The following POLD1 variants were observed in gnomAD, a reference collection of about 807,000 sequenced individuals.
POLD1 encodes the protein DNA polymerase delta 1, catalytic subunit.
POLD1 carries 79 observed loss-of-function variants against 129.7 expected under a neutral mutation model. That is an observed-to-expected ratio of 0.61 (90% confidence interval 0.51 to 0.73). The LOEUF is 0.73. Among genes scored for constraint, POLD1 ranks in the 30% least tolerant of loss-of-function variants. The probability of loss-of-function intolerance (pLI) is 0.00; values close to 1 mark genes in which losing one functional copy is unlikely to be tolerated. For missense variants in POLD1, 1,338 were observed against 1,595.8 expected (o/e 0.84, Z 2.75); for synonymous variants, 714 against 683.3 (o/e 1.04, Z -0.70).
At position 50,406,465 on chromosome 19, in the gene POLD1, TC is replaced by T. The variant is rs2038887562; in HGVS notation, c.1444del (p.Leu482TrpfsTer32). ...SYTLNAVSFHFLGEQKEDVQH... is the reference protein window; with the variant it reads ...SYTLNAVSFHXLGEQKEDVQH... Reference sequence around the variant, plus strand: ...ACGCTCAATGCCGTGAGCTTCCACTTCCTGGGCGAGCAGAAGGAGGACGTGC... The same window carrying T: ...ACGCTCAATGCCGTGAGCTTCCACTTCTGGGCGAGCAGAAGGAGGACGTGC... On this transcript the variant is annotated frameshift_variant, in exon 12 of 27. Coordinates refer to ENST00000440232, the MANE Select transcript of POLD1 (RefSeq NM_002691.4). LOFTEE classifies it high-confidence loss of function. This position sits in a 1 kb window ranked among gnomAD's most constrained non-coding sequence, Gnocchi z 5.5. The T allele has an allele frequency of 6.3e-7, 1 of 1,599,094 alleles. No individual in the cohort carries two copies. Among genetic ancestry groups the T allele is most frequent in the Non-Finnish European group, 8.5e-7 (1 of 1,172,480 alleles).
At chr19:50,401,389 ATATTTTTTTTTTT>A in intron 3 of POLD1, among the ~76,000 whole-genome samples, 2 of 60,292 alleles carry the variant, frequency 3.3e-5, no homozygotes, top group South Asian at 9.8e-4. Context: ...ATATATATAT[ATATTTTTTTTTTT>A]TTTTTTTTTT....
At position 50,406,396 on chromosome 19, in the gene POLD1, C is replaced by T; in HGVS notation, c.1384-11C>T. 6.2e-7 allele frequency: 1 copy of T among 1,606,712 alleles called. No homozygotes were observed. The highest frequency in any genetic ancestry group is 8.5e-7 in the Non-Finnish European group (1 of 1,176,324). ...CAGGCCCGCAGCCCACCAGCCCACC[C>T]ACCCACCTAGGTGCTGCTGCGGGAG... On this transcript the variant is annotated splice_polypyrimidine_tract_variant and intron_variant, in intron 11 of 26. Coordinates refer to ENST00000440232, the MANE Select transcript of POLD1 (RefSeq NM_002691.4). The surrounding 1 kb of genome is among the most constrained non-coding windows in gnomAD (Gnocchi z 5.5).
chr19:50,392,321 C>T (rs996872046), intron 1 of POLD1, among the ~76,000 whole-genome samples: 3 of 152,202 alleles, frequency 2.0e-5, no homozygotes, highest in African/African-American at 7.2e-5. Context: ...TAGTTTCTAA[C>T]TCCTGGCCTC....
Position 50,415,885 on chromosome 19 carries a change from C to T in POLD1, c.2820+59C>T, listed in dbSNP as rs545336888. 1.4e-3 allele frequency: 1,695 copies of T among 1,252,710 alleles called. 4 individuals are homozygous for T. Among genetic ancestry groups the T allele is most frequent in the Non-Finnish European group, 1.6e-3 (1,496 of 925,316 alleles). 77.6% of individuals were successfully genotyped at this position (1,252,710 alleles called of 1,614,324 possible). On this transcript the variant is annotated intron_variant, in intron 22 of 26. Transcript: ENST00000440232. ...CCCCCTCGCTCTCACTTCTGCTTTC[C>T]GAGATGGGCGGGCCTGCGGGAAGGG...
chr19:50,399,544 C>A, intron 3 of POLD1, 60 bp downstream of exon 3: 7 of 1,280,800 alleles, frequency 5.5e-6, no homozygotes, highest in Non-Finnish European at 7.9e-6. Context: ...AGAGGCCGGG[C>A]CAGGTCAGCC....
intron 19 of POLD1, among the ~76,000 whole-genome samples, 189 bp from the exon 20 acceptor site, chr19:50,414,626 A>G (rs962349333): frequency 6.6e-6 from 1 of 152,068 alleles, no homozygotes; most frequent in Non-Finnish European, 1.5e-5. Context: ...GGGCTCTGGC[A>G]TTGCCGAGGG....
At chr19:50,384,411 G>A (rs2037895872) in intron 1 of POLD1, 21 bp downstream of exon 1, 1 of 152,608 alleles carries the variant, frequency 6.6e-6, no homozygotes, top group Non-Finnish European at 1.5e-5. Context: ...GGGAAAAAGG[G>A]AGTTCGGGGC....
intron 1 of POLD1, among the ~76,000 whole-genome samples, chr19:50,393,053 G>A (rs922735683): frequency 1.3e-5 from 2 of 152,170 alleles, no homozygotes; most frequent in African/African-American, 2.4e-5. Context: ...CGATGCTTCC[G>A]GAAATAACCT....
rs1477558523 is a variant in POLD1, at chr19:50,405,636, A to G, written c.1243-546A>G. Among the ~76,000 whole-genome samples the G allele has an allele frequency of 2.0e-5, 3 of 152,258 alleles. No individual in the cohort carries two copies. In the East Asian group the frequency reaches 5.8e-4, roughly 29 times the overall value. On this transcript the variant is annotated intron_variant, in intron 10 of 26. Coordinates refer to ENST00000440232, the MANE Select transcript of POLD1 (RefSeq NM_002691.4). ...TCTTAGGACCCCCAGTGTATATTCC[A>G]CAGCGTGGCGCTGATGCCCGGGCCA...
intron 1 of POLD1, among the ~76,000 whole-genome samples, chr19:50,396,518 C>A (rs3219357): frequency 0.13 from 20,309 of 151,582 alleles, 1,717 homozygotes; most frequent in African/African-American, 0.24. Context: ...CGCTCTGTTG[C>A]CCAGGCTGGA....
chr19:50,398,913 G>A lies in POLD1; in HGVS notation c.62G>A (p.Gly21Asp), dbSNP rs771371900. The A allele has an allele frequency of 2.5e-6, 4 of 1,598,846 alleles. No homozygotes were observed. The South Asian group carries it at 3.4e-5, about 14-fold the overall frequency. ...PGVPPKRARGGLWDDDDAPRP... is the reference protein window; with the variant it reads ...PGVPPKRARGDLWDDDDAPRP... ...GTGCCCCCAAAGCGGGCCCGTGGGG[G>A]CCTCTGGGATGATGATGATGCACCT... The change falls in exon 2 of 27, where the codon GGC (glycine) becomes GAC (aspartate). Residue 21 changes from glycine to aspartate, a missense_variant. Physicochemically the swap from Gly to Asp is moderately conservative, Grantham distance 94 (BLOSUM62 -1). Transcript: ENST00000440232.
intron 13 of POLD1, 36 bp downstream of exon 13, chr19:50,407,210 C>G: frequency 6.3e-7 from 1 of 1,575,690 alleles, no homozygotes; most frequent in Non-Finnish European, 8.7e-7. Flanking sequence ...CACCCCCCAC[C>G]AGGCACGTCT....
rs1249717167 is a variant in POLD1, at chr19:50,399,073, G to T, written c.202+20G>T. Reference sequence around the variant, plus strand: ...CAGACGGTAAGGCTTGGAGTTGGAGGTTCCTGCTGCCCAACCCATTGCCCC... The same window carrying T: ...CAGACGGTAAGGCTTGGAGTTGGAGTTTCCTGCTGCCCAACCCATTGCCCC... On this transcript the variant is annotated intron_variant, in intron 2 of 26. Transcript: ENST00000440232. 15 of 1,550,670 alleles carry T rather than the reference G, an allele frequency of 9.7e-6. No homozygotes were observed. The highest frequency in any genetic ancestry group is 1.3e-5 in the Non-Finnish European group (15 of 1,147,122).
At position 50,417,219 on chromosome 19, in the gene POLD1, G is replaced by T. The variant is rs780592984; in HGVS notation, c.3168G>T (p.Thr1056=). 1 of 1,605,990 alleles carries T rather than the reference G, an allele frequency of 6.2e-7. No homozygotes were observed. The highest frequency in any genetic ancestry group is 8.5e-7 in the Non-Finnish European group (1 of 1,178,166). Residue 1056 remains threonine, a synonymous_variant, in exon 26 of 27, where the codon ACG becomes ACT. Coordinates refer to ENST00000440232, the MANE Select transcript of POLD1 (RefSeq NM_002691.4). ...ALEERFSRLW[T]QCQRCQGSLH... Reference sequence around the variant, plus strand: ...AGGAGCGCTTCTCGCGCCTCTGGACGCAGTGCCAGCGCTGCCAGGGCAGCC... The same window carrying T: ...AGGAGCGCTTCTCGCGCCTCTGGACTCAGTGCCAGCGCTGCCAGGGCAGCC...
chr19:50,391,620 A>G (rs1035729001), intron 1 of POLD1, among the ~76,000 whole-genome samples: 1 of 131,974 alleles, frequency 7.6e-6, no homozygotes, highest in Non-Finnish European at 1.6e-5. Flanking sequence ...TCAGGCAGGG[A>G]GGTTGCCGTG....
chr19:50,392,929 G>T (rs2038221916), intron 1 of POLD1, among the ~76,000 whole-genome samples: 1 of 152,254 alleles, frequency 6.6e-6, no homozygotes, highest in Admixed American at 6.5e-5. Context: ...TACACAAAGA[G>T]CTTCCTCATT....
At position 50,406,885 on chromosome 19, in the gene POLD1, C is replaced by CATGCACGAGGGG; in HGVS notation, c.1495-98_1495-97insATGCACGAGGGG. On this transcript the variant is annotated intron_variant, in intron 12 of 26. Coordinates refer to ENST00000440232, the MANE Select transcript of POLD1 (RefSeq NM_002691.4). The surrounding 1 kb of genome is among the most constrained non-coding windows in gnomAD (Gnocchi z 5.5). ...CTCCTGCCCGCCTCACCTCCCAGGC[C>CATGCACGAGGGG]CTCCCCAGGCTACCTCACCCTGACC... The CATGCACGAGGGG allele has an allele frequency of 9.7e-7, 1 of 1,035,968 alleles. No individual in the cohort carries two copies. The highest frequency in any genetic ancestry group is 2.2e-5 in the Admixed American group (1 of 44,504). 64.2% of individuals were successfully genotyped at this position (1,035,968 alleles called of 1,614,324 possible).
chr19:50,408,805 C>T lies in POLD1; in HGVS notation c.1796C>T (p.Ala599Val). 1 of 1,613,936 alleles carries T rather than the reference C, an allele frequency of 6.2e-7. No individual in the cohort carries two copies. Among genetic ancestry groups the T allele is most frequent in the Non-Finnish European group, 8.5e-7 (1 of 1,179,956 alleles). ...CCCAGGTACTACGACGTCCCCATCG[C>T]CACCCTGGACTTCTCCTCGCTGTAC... ...PLKGYYDVPI[A>V]TLDFSSLYPS... The change falls in exon 15 of 27, where the codon GCC (alanine) becomes GTC (valine). Residue 599 changes from alanine to valine, a missense_variant. By Grantham distance (64) the Ala-to-Val change is moderately conservative (BLOSUM62 0). Around this residue, in one of 3 missense-constraint regions of POLD1, gnomAD observed 720 missense variants for 1,002.6 expected, o/e 0.72. Coordinates refer to ENST00000440232, the MANE Select transcript of POLD1 (RefSeq NM_002691.4).
chr19:50,390,869 G>T (rs1272378415), intron 1 of POLD1, among the ~76,000 whole-genome samples: 4 of 151,954 alleles, frequency 2.6e-5, no homozygotes, highest in Non-Finnish European at 5.9e-5. Flanking sequence ...CACAGCACAT[G>T]TTTCAGAGAG....
Sources: allele counts gnomAD v4.1 joint callset (sites outside exome capture counted in the v4.1 genomes callset), GRCh38; gene constraint gnomAD v4.1.1; regional missense constraint gnomAD v4.1.1; non-coding constraint Gnocchi (gnomAD v3.1); transcripts MANE v1.5; gene names NCBI Gene and HGNC (gene_info 2026-07-23, HGNC 2026-07-21).